PDZRN4: variants seen among roughly 807,000 people sequenced by gnomAD.
PDZRN4 encodes PDZ domain-containing RING finger protein 4.
In PDZRN4, 70 loss-of-function variants were observed where a neutral mutation model predicts 99.0. The ratio of observed to expected loss-of-function variants is 0.71; its 90% CI spans 0.58 to 0.86. The LOEUF (loss-of-function observed/expected upper bound fraction) is 0.86. PDZRN4 is among the 40% of genes least tolerant of loss of function. The pLI is 0.00. For synonymous variants in PDZRN4, 551 were observed against 501.6 expected (o/e 1.10, Z -1.32); for missense variants, 1,474 against 1,331.2 (o/e 1.11, Z -1.67).
At chr12:41,334,435 G>T (rs1240792786) in intron 3 of PDZRN4, among the ~76,000 whole-genome samples, 2 of 150,676 alleles carry the variant, frequency 1.3e-5, no homozygotes, top group Admixed American at 1.3e-4. Flanking sequence ...GATGACTGTT[G>T]TTCTAAATGC....
At chr12:41,190,436 A>G (rs1287109496) in intron 1 of PDZRN4, among the ~76,000 whole-genome samples, 1 of 152,250 alleles carries the variant, frequency 6.6e-6, no homozygotes, top group Non-Finnish European at 1.5e-5. Flanking sequence ...TCAAGGTCGT[A>G]GGAAACCAAT....
At chr12:41,324,532 T>C (rs1951698537) in intron 3 of PDZRN4, among the ~76,000 whole-genome samples, 1 of 152,122 alleles carries the variant, frequency 6.6e-6, no homozygotes, top group Non-Finnish European at 1.5e-5. Context: ...TAGCAATATT[T>C]TTCGTTTACA....
intron 3 of PDZRN4, among the ~76,000 whole-genome samples, chr12:41,446,225 T>G (rs908559823): frequency 8.2e-6 from 1 of 122,128 alleles, no homozygotes; most frequent in African/African-American, 3.2e-5. Context: ...TTTATGTAGC[T>G]TTATAGAAAC....
intron 3 of PDZRN4, among the ~76,000 whole-genome samples, chr12:41,493,256 G>T (rs1442525159): frequency 6.6e-6 from 1 of 152,124 alleles, no homozygotes; most frequent in African/African-American, 2.4e-5. Context: ...AAAGTAATTT[G>T]TGCAGACATG....
At chr12:41,515,564 G>A (rs566441792) in intron 5 of PDZRN4, among the ~76,000 whole-genome samples, 56 of 152,108 alleles carry the variant, frequency 3.7e-4, no homozygotes, top group African/African-American at 1.2e-3. Flanking sequence ...TCAGTCTGGA[G>A]TTGGTTCACT....
chr12:41,396,099 G>A (rs966674830), intron 3 of PDZRN4, among the ~76,000 whole-genome samples: 13 of 152,160 alleles, frequency 8.5e-5, no homozygotes, highest in Admixed American at 1.3e-4. Context: ...CCCAGAAAGC[G>A]ACTTTGATGA....
chr12:41,386,841 C>T lies in PDZRN4; in HGVS notation c.844-119615C>T, dbSNP rs1283741637. ...GACTGCACACCTACAACTATCTGATCTTCATCAAACCTAACAAAAACAAGC... is the reference window on the plus strand; with the variant it reads ...GACTGCACACCTACAACTATCTGATTTTCATCAAACCTAACAAAAACAAGC... On this transcript the variant is annotated intron_variant, in intron 3 of 9. Coordinates refer to ENST00000402685, the MANE Select transcript of PDZRN4 (RefSeq NM_001164595.2). Among the ~76,000 whole-genome samples the T allele has an allele frequency of 5.5e-4, 83 of 152,148 alleles. 1 individual carries two copies. The highest frequency in any genetic ancestry group is 1.5e-5 in the Non-Finnish European group (1 of 68,020).
intron 3 of PDZRN4, among the ~76,000 whole-genome samples, chr12:41,306,000 T>C (rs1389642317): frequency 1.3e-5 from 2 of 152,138 alleles, no homozygotes; most frequent in Non-Finnish European, 2.9e-5. Context: ...AAAAACACAA[T>C]AGTGGGACAG....
At chr12:41,516,550 G>C (rs1938403575) in intron 5 of PDZRN4, among the ~76,000 whole-genome samples, 1 of 152,040 alleles carries the variant, frequency 6.6e-6, no homozygotes, top group African/African-American at 2.4e-5. Flanking sequence ...GTGTATACCT[G>C]AGCCAGTTTG....
intron 3 of PDZRN4, among the ~76,000 whole-genome samples, chr12:41,328,007 GA>G (rs1951721020): frequency 6.6e-6 from 1 of 151,986 alleles, no homozygotes; most frequent in Non-Finnish European, 1.5e-5. Flanking sequence ...CTACACTAAT[GA>G]AGTCAAATAT....
chr12:41,390,418 C>T (rs1249788354), intron 3 of PDZRN4, among the ~76,000 whole-genome samples: 1 of 151,770 alleles, frequency 6.6e-6, no homozygotes, highest in Non-Finnish European at 1.5e-5. Context: ...TTTTGTTTTG[C>T]TCCCCACCCC....
chr12:41,236,376 T>C (rs1164533271), intron 3 of PDZRN4, among the ~76,000 whole-genome samples: 1 of 151,986 alleles, frequency 6.6e-6, no homozygotes, highest in African/African-American at 2.4e-5. Context: ...GGACTGAGCA[T>C]TGGGAAATCT....
chr12:41,275,107 T>C (rs1057307447), intron 3 of PDZRN4, among the ~76,000 whole-genome samples: 1 of 152,144 alleles, frequency 6.6e-6, no homozygotes, highest in Non-Finnish European at 1.5e-5. Flanking sequence ...GAGGCTTGAC[T>C]GGCATGGGAT....
intron 5 of PDZRN4, among the ~76,000 whole-genome samples, chr12:41,543,880 C>T (rs558392509): frequency 6.6e-6 from 1 of 152,254 alleles, no homozygotes; most frequent in Non-Finnish European, 1.5e-5. Flanking sequence ...CACTCATTAG[C>T]TAATCCCTAG....
chr12:41,553,792 T>G (rs1372001046), intron 6 of PDZRN4, among the ~76,000 whole-genome samples: 1 of 152,126 alleles, frequency 6.6e-6, no homozygotes, highest in African/African-American at 2.4e-5. Flanking sequence ...TATGTTTATA[T>G]ATAAATGCAG....
intron 3 of PDZRN4, among the ~76,000 whole-genome samples, chr12:41,378,170 A>T (rs189157459): frequency 6.6e-6 from 1 of 152,134 alleles, no homozygotes; most frequent in South Asian, 2.1e-4. Context: ...AATTTGTTGA[A>T]GGTTTTTATC....
intron 3 of PDZRN4, among the ~76,000 whole-genome samples, chr12:41,330,495 A>AAT (rs1951735768): frequency 6.6e-6 from 1 of 151,454 alleles, no homozygotes; most frequent in Admixed American, 6.6e-5. Context: ...TATGGTAAAA[A>AAT]AAAAAAAAAA....
chr12:41,435,900 T>A (rs1952624977), intron 3 of PDZRN4, among the ~76,000 whole-genome samples: 1 of 152,192 alleles, frequency 6.6e-6, no homozygotes, highest in Non-Finnish European at 1.5e-5. Flanking sequence ...ATGTTTGCTT[T>A]GAGGATGTGA....
chr12:41,234,075 T>C (rs1005886824), intron 3 of PDZRN4, among the ~76,000 whole-genome samples: 6 of 152,040 alleles, frequency 3.9e-5, no homozygotes, highest in Non-Finnish European at 8.8e-5. Flanking sequence ...TGCTCCTTGA[T>C]TAATAGAAAC....
Sources: allele counts gnomAD v4.1 joint callset (sites outside exome capture counted in the v4.1 genomes callset), GRCh38; gene constraint gnomAD v4.1.1; transcripts MANE v1.5; gene names NCBI Gene and HGNC (gene_info 2026-07-23, HGNC 2026-07-21).